LAMA1: variants seen among roughly 807,000 people sequenced by gnomAD.
LAMA1 encodes laminin subunit alpha-1.
LAMA1 carries 219 observed loss-of-function variants against 348.7 expected under a neutral mutation model. The observed-to-expected ratio is 0.63, with a 90% CI of 0.56 to 0.70. LAMA1 has a LOEUF of 0.70. Among genes scored for constraint, LAMA1 ranks in the 30% least tolerant of loss-of-function variants. The pLI is 0.00. For synonymous variants in LAMA1, 1,487 were observed against 1,491.0 expected, an observed-to-expected ratio of 1.00 and a Z score of 0.06; for missense variants, 3,744 against 3,888.0, an observed-to-expected ratio of 0.96 and a Z score of 0.99.
chr18:7,063,680 G>A (rs1180694400), intron 3 of LAMA1, among the ~76,000 whole-genome samples: 1 of 152,150 alleles, frequency 6.6e-6, no homozygotes, highest in Non-Finnish European at 1.5e-5. Flanking sequence ...TAAAAGGAAG[G>A]AAATTGTAAT....
At chr18:7,059,696 T>C (rs57293819) in intron 3 of LAMA1, among the ~76,000 whole-genome samples, 2,386 of 152,282 alleles carry the variant, frequency 0.016, 66 homozygotes, top group African/African-American at 0.054. Flanking sequence ...AGGAAATCTA[T>C]GGGGCTCAAT....
At chr18:6,979,664 C>A (rs1403899630) in intron 42 of LAMA1, among the ~76,000 whole-genome samples, 1 of 152,158 alleles carries the variant, frequency 6.6e-6, no homozygotes, top group African/African-American at 2.4e-5. Context: ...CTTTGGGAGG[C>A]CAAGGCGGGC....
At chr18:7,102,010 A>T (rs1388673701) in intron 1 of LAMA1, among the ~76,000 whole-genome samples, 4 of 152,088 alleles carry the variant, frequency 2.6e-5, no homozygotes, top group Non-Finnish European at 5.9e-5. Flanking sequence ...TATTTTCTTT[A>T]TTAGCTGATT....
At chr18:7,002,527 CAT>C in intron 29 of LAMA1, 142 bp from the exon 30 acceptor site, 1 of 936,154 alleles carries the variant, frequency 1.1e-6, no homozygotes, top group East Asian at 2.4e-5. Flanking sequence ...CATTTTCCTC[CAT>C]ATTCTTAAAA....
intron 17 of LAMA1, among the ~76,000 whole-genome samples, chr18:7,025,297 C>G (rs898589445): frequency 1.3e-5 from 2 of 152,168 alleles, no homozygotes; most frequent in African/African-American, 4.8e-5. Flanking sequence ...ATGGCACGCC[C>G]AGCTCCATCT....
chr18:7,005,695 C>A (rs1054696843), intron 29 of LAMA1, among the ~76,000 whole-genome samples: 1 of 152,156 alleles, frequency 6.6e-6, no homozygotes, highest in African/African-American at 2.4e-5. Context: ...TTGCAGTGAG[C>A]TGACTGCGCC....
chr18:7,070,745 G>A (rs2058142541), intron 3 of LAMA1, among the ~76,000 whole-genome samples: 1 of 152,046 alleles, frequency 6.6e-6, no homozygotes, highest in Non-Finnish European at 1.5e-5. Flanking sequence ...CAATGCCATA[G>A]GGAACTTCCC....
At position 7,055,446 on chromosome 18, in the gene LAMA1, T is replaced by C. The variant is rs1340658294; in HGVS notation, c.346-4510A>G. 1.1e-3 allele frequency among the ~76,000 whole-genome samples: 102 copies of C among 89,968 alleles called. 1 individual carries two copies. Among genetic ancestry groups the C allele is most frequent in the African/African-American group, 5.0e-3 (96 of 19,328 alleles). 59.0% of individuals were successfully genotyped at this position (89,968 alleles called of 152,430 possible). A position where few individuals can be genotyped will look rare whatever the true frequency, so the allele number is the denominator to read the frequency against. ...CCCAGCCTGGGTGACAGAGTGAAAC[T>C]CCGTCTCAAAAAAAAAAAAAAAAAA... On this transcript the variant is annotated intron_variant, in intron 3 of 62. Coordinates refer to ENST00000389658, the MANE Select transcript of LAMA1 (RefSeq NM_005559.4).
chr18:7,112,292 T>G (rs2058338780), intron 1 of LAMA1, among the ~76,000 whole-genome samples: 1 of 152,114 alleles, frequency 6.6e-6, no homozygotes, highest in Non-Finnish European at 1.5e-5. Flanking sequence ...GATGTGTTAA[T>G]ATCCAGCACA....
At chr18:6,982,021 AAATGGCTAAATC>A (rs1445846969) in intron 41 of LAMA1, among the ~76,000 whole-genome samples, 1 of 152,216 alleles carries the variant, frequency 6.6e-6, no homozygotes, top group Non-Finnish European at 1.5e-5. Flanking sequence ...ATTTTTTGAA[AAATGGCTAAATC>A]AATTAGGATT....
intron 25 of LAMA1, among the ~76,000 whole-genome samples, chr18:7,010,778 C>A (rs1261497565): frequency 1.3e-5 from 2 of 152,126 alleles, no homozygotes; most frequent in Non-Finnish European, 2.9e-5. Flanking sequence ...CCAAGTGATG[C>A]CTTTCATGAT....
chr18:7,012,030 G>A lies in LAMA1; in HGVS notation c.3472C>T (p.Leu1158Phe), dbSNP rs2057862798. 1.2e-6 allele frequency: 2 copies of A among 1,610,668 alleles called. No individual in the cohort carries two copies. Among genetic ancestry groups the A allele is most frequent in the Admixed American group, 1.7e-5 (1 of 59,584 alleles). Reference sequence around the variant, plus strand: ...ACGTAGTCCTCCAGCTCTGAGCAGAGGTGGGACAGCCCGGAGCAGAAGCAC... The same window carrying A: ...ACGTAGTCCTCCAGCTCTGAGCAGAAGTGGGACAGCCCGGAGCAGAAGCAC... ...SPCFCSGLSHLCSELEDYVRT... is the reference protein window; with the variant it reads ...SPCFCSGLSHFCSELEDYVRT... Residue 1158 changes from leucine to phenylalanine, a missense_variant, in exon 24 of 63, where the codon CTC becomes TTC. Leu to Phe is a conservative substitution (Grantham distance 22, BLOSUM62 0). Coordinates refer to ENST00000389658, the MANE Select transcript of LAMA1 (RefSeq NM_005559.4).
At chr18:7,100,931 AC>A (rs1461328374) in intron 1 of LAMA1, among the ~76,000 whole-genome samples, 1 of 151,982 alleles carries the variant, frequency 6.6e-6, no homozygotes, top group South Asian at 2.1e-4. Context: ...AATCACTTGA[AC>A]CCGGGAGGTG....
At chr18:7,078,080 A>C (rs547150758) in intron 3 of LAMA1, among the ~76,000 whole-genome samples, 2 of 150,412 alleles carry the variant, frequency 1.3e-5, no homozygotes, top group South Asian at 2.1e-4. Context: ...AAAAAAAAAA[A>C]CAAAAAACAA....
chr18:7,044,073 A>C (rs1186738214), intron 7 of LAMA1, among the ~76,000 whole-genome samples: 3 of 148,850 alleles, frequency 2.0e-5, no homozygotes, highest in Non-Finnish European at 4.4e-5. Flanking sequence ...GGAGAATGGC[A>C]TGAAGCATGA....
rs2058035535 is a variant in LAMA1 at position 7,044,825 on chromosome 18, T to TTTA, written c.872_873insTAA (p.Gln291delinsHisLys). The stretch of plus-strand genomic sequence containing the variant: ...TCTCCCCGCAAGTATTATGCTCACA[T>TTTA]TGACACTGCAGTTTCTACACAATAA... On this transcript the variant is annotated protein_altering_variant, in exon 7 of 63. Coordinates refer to ENST00000389658, the MANE Select transcript of LAMA1 (RefSeq NM_005559.4). The TTTA allele has an allele frequency of 1.2e-6, 2 of 1,613,522 alleles. No individual in the cohort carries two copies. Among genetic ancestry groups the TTTA allele is most frequent in the Non-Finnish European group, 1.7e-6 (2 of 1,179,422 alleles).
chr18:7,012,598 C>T (rs1006728602), intron 23 of LAMA1, among the ~76,000 whole-genome samples: 20 of 150,646 alleles, frequency 1.3e-4, no homozygotes, highest in African/African-American at 3.9e-4. Context: ...CTCCACCCCC[C>T]GGGTTCAAGC....
Position 7,033,011 on chromosome 18 carries a change from C to G in LAMA1, c.2136G>C (p.Pro712=), listed in dbSNP as rs139988519. 5.6e-6 allele frequency: 9 copies of G among 1,611,012 alleles called. No homozygotes were observed. Among genetic ancestry groups the G allele is most frequent in the Admixed American group, 1.7e-5 (1 of 59,832 alleles). Residue 712 remains proline (P), a synonymous_variant, in exon 15 of 63, where the codon CCG becomes CCC. Transcript: ENST00000389658. The part of the protein sequence containing the change: ...VAADVEHCEC[P]QGYTGTSCES... ...CACAGGAGGTCCCTGTGTAGCCTTG[C>G]GGACATTCACAGTGCTCCACATCAG...
intron 48 of LAMA1, 39 bp downstream of exon 48, chr18:6,971,818 G>C (rs2057659583): frequency 6.2e-7 from 1 of 1,613,054 alleles, no homozygotes; most frequent in South Asian, 1.1e-5. Context: ...GATGTTAACA[G>C]AATAACATAC....
Sources: gnomAD v4.1 joint callset for allele counts (sites outside exome capture counted in the v4.1 genomes callset) on GRCh38, gnomAD v4.1.1 for gene constraint, MANE v1.5 for transcripts, NCBI Gene and HGNC (gene_info 2026-07-23, HGNC 2026-07-21) for gene names.